The following CTNND2 variants were observed in gnomAD, a reference collection of about 807,000 sequenced individuals.
CTNND2 encodes the protein catenin delta 2, also known as catenin delta-2.
A neutral mutation model predicts 144.4 loss-of-function variants in CTNND2; 22 were observed. That is an observed-to-expected ratio of 0.15 (90% CI 0.11 to 0.22). CTNND2 has a LOEUF of 0.22. Among genes scored for constraint, CTNND2 ranks in the 10% least tolerant of loss-of-function variants. The probability of loss-of-function intolerance (pLI) is 1.00; values close to 1 mark genes in which losing one functional copy is unlikely to be tolerated. For synonymous variants in CTNND2, 751 were observed against 695.6 expected, an observed-to-expected ratio of 1.08 and a Z score of -1.25; for missense variants, 1,353 against 1,618.8, an observed-to-expected ratio of 0.84 and a Z score of 2.82.
At chr5:11,269,373 G>A (rs545862636) in intron 9 of CTNND2, among the ~76,000 whole-genome samples, 8 of 152,058 alleles carry the variant, frequency 5.3e-5, no homozygotes, top group African/African-American at 1.4e-4. Flanking sequence ...ATCTATTCTC[G>A]TTTATTATAA....
chr5:11,277,529 T>TATTC (rs1554019026), intron 9 of CTNND2, among the ~76,000 whole-genome samples: 23 of 149,310 alleles, frequency 1.5e-4, no homozygotes, highest in African/African-American at 5.4e-4. Context: ...TTTATTTATT[T>TATTC]ATTTATTTAT....
At chr5:11,548,301 G>A (rs1775437671) in intron 3 of CTNND2, among the ~76,000 whole-genome samples, 2 of 152,100 alleles carry the variant, frequency 1.3e-5, no homozygotes, top group Non-Finnish European at 2.9e-5. Flanking sequence ...CAATGAGGAG[G>A]GGGCCTAGAA....
intron 9 of CTNND2, among the ~76,000 whole-genome samples, chr5:11,288,543 G>C (rs1747985851): frequency 6.6e-6 from 1 of 152,074 alleles, no homozygotes; most frequent in Non-Finnish European, 1.5e-5. Flanking sequence ...GGGCTTGCTT[G>C]TCCACAGATC....
At position 11,353,042 on chromosome 5, in the gene CTNND2, T is replaced by C. The variant is rs566297687; in HGVS notation, c.1373-6415A>G. On this transcript the variant is annotated intron_variant, in intron 8 of 21. Transcript: ENST00000304623. Reference sequence around the variant, plus strand: ...GTGTAACTGGAGTCACGATGAATGATGAAGAGGATGATACACAGTCTTTTT... The same window carrying C: ...GTGTAACTGGAGTCACGATGAATGACGAAGAGGATGATACACAGTCTTTTT... 5.3e-4 allele frequency among the ~76,000 whole-genome samples: 80 copies of C among 151,068 alleles called. 2 individuals are homozygous for C. Among genetic ancestry groups the C allele is most frequent in the Non-Finnish European group, 1.1e-3 (74 of 67,888 alleles).
intron 9 of CTNND2, among the ~76,000 whole-genome samples, chr5:11,330,313 T>TAAAAAA (rs1390011646): frequency 2.5e-4 from 11 of 44,544 alleles, no homozygotes; most frequent in African/African-American, 1.6e-3. Flanking sequence ...CTACTAAAAA[T>TAAAAAA]ACAAAAAAAA....
At chr5:11,873,244 A>G (rs956777480) in intron 1 of CTNND2, among the ~76,000 whole-genome samples, 7 of 152,258 alleles carry the variant, frequency 4.6e-5, no homozygotes, top group South Asian at 2.1e-4. Flanking sequence ...TACAGTGTTT[A>G]TGGCAGAGCA....
At chr5:11,368,950 G>A (rs1259538188) in intron 7 of CTNND2, among the ~76,000 whole-genome samples, 1 of 152,176 alleles carries the variant, frequency 6.6e-6, no homozygotes, top group Non-Finnish European at 1.5e-5. Context: ...TCATGCCAAT[G>A]AATCTTTGAA....
intron 6 of CTNND2, among the ~76,000 whole-genome samples, chr5:11,387,097 A>G (rs1332553584): frequency 1.3e-5 from 2 of 149,538 alleles, no homozygotes; most frequent in East Asian, 4.0e-4. Context: ...ATTGCTATTT[A>G]ATTCAGCATC....
chr5:11,526,010 TCTC>T (rs948740678), intron 3 of CTNND2, among the ~76,000 whole-genome samples: 3 of 152,170 alleles, frequency 2.0e-5, no homozygotes, highest in Non-Finnish European at 2.9e-5. Context: ...GTTCAAGGAT[TCTC>T]CTGCCTCAGC....
chr5:11,101,749 G>T (rs1213815079), intron 14 of CTNND2, among the ~76,000 whole-genome samples: 1 of 152,142 alleles, frequency 6.6e-6, no homozygotes, highest in East Asian at 1.9e-4. Flanking sequence ...AATACATAAA[G>T]AAGTAAAATG....
chr5:11,519,377 A>G (rs1453775474), intron 3 of CTNND2, among the ~76,000 whole-genome samples: 3 of 152,142 alleles, frequency 2.0e-5, no homozygotes, highest in Non-Finnish European at 4.4e-5. Context: ...CACTTCCAAT[A>G]GGTCTTGATT....
At chr5:11,501,004 T>A (rs998196575) in intron 3 of CTNND2, among the ~76,000 whole-genome samples, 2 of 152,162 alleles carry the variant, frequency 1.3e-5, no homozygotes, top group Non-Finnish European at 2.9e-5. Flanking sequence ...CTTTATAGTA[T>A]CTCTTTTATT....
chr5:11,903,047 T>C lies in CTNND2; in HGVS notation c.37+770A>G, dbSNP rs1395662583. On this transcript the variant is annotated intron_variant, in intron 1 of 21. Transcript: ENST00000304623. The surrounding 1 kb of genome is among the most constrained non-coding windows in gnomAD (Gnocchi z 5.4). ...CGAGTGGCAATCGAAGAAAACACACTACACACCAGAATAAGATGAGGGTCG... is the reference window on the plus strand; with the variant it reads ...CGAGTGGCAATCGAAGAAAACACACCACACACCAGAATAAGATGAGGGTCG... 6.6e-6 allele frequency: 2 copies of C among 303,112 alleles called. No individual in the cohort carries two copies. The highest frequency in any genetic ancestry group is 3.4e-4 in the East Asian group (2 of 5,828). The allele number at this position is 303,112 out of a possible 1,614,324, so 18.8% of individuals were successfully genotyped here.
chr5:11,021,245 C>T (rs1384426145), intron 17 of CTNND2, among the ~76,000 whole-genome samples: 1 of 152,172 alleles, frequency 6.6e-6, no homozygotes, highest in African/African-American at 2.4e-5. Flanking sequence ...TGCCAAACCA[C>T]TCCTCAAAGC....
At chr5:11,445,005 T>C (rs924011783) in intron 3 of CTNND2, among the ~76,000 whole-genome samples, 3 of 152,150 alleles carry the variant, frequency 2.0e-5, no homozygotes, top group Non-Finnish European at 4.4e-5. Context: ...ACTGCCTCAG[T>C]TTCCTACGGC....
chr5:11,138,551 AC>A (rs1278712460), intron 12 of CTNND2, among the ~76,000 whole-genome samples: 26 of 152,100 alleles, frequency 1.7e-4, no homozygotes, highest in Non-Finnish European at 2.6e-4. Context: ...TCCCTGCCCA[AC>A]CTGTGCCCTG....
At chr5:11,857,604 T>C (rs926879890) in intron 1 of CTNND2, among the ~76,000 whole-genome samples, 3 of 152,194 alleles carry the variant, frequency 2.0e-5, no homozygotes, top group African/African-American at 7.2e-5. Flanking sequence ...ATAAGGGTTA[T>C]CTATGATCTT....
At chr5:11,421,897 C>T (rs1255674484) in intron 3 of CTNND2, among the ~76,000 whole-genome samples, 1 of 152,192 alleles carries the variant, frequency 6.6e-6, no homozygotes, top group Non-Finnish European at 1.5e-5. Flanking sequence ...TCTGTTTCCT[C>T]ATTTGTAAAA....
At chr5:11,509,666 C>T (rs935101405) in intron 3 of CTNND2, among the ~76,000 whole-genome samples, 1 of 152,150 alleles carries the variant, frequency 6.6e-6, no homozygotes, top group Non-Finnish European at 1.5e-5. Flanking sequence ...GAGTATCCTT[C>T]TTTTATACAT....
Sources: allele counts gnomAD v4.1 joint callset (sites outside exome capture counted in the v4.1 genomes callset), GRCh38; gene constraint gnomAD v4.1.1; non-coding constraint Gnocchi (gnomAD v3.1); transcripts MANE v1.5; gene names NCBI Gene and HGNC (gene_info 2026-07-23, HGNC 2026-07-21).